The following TUT4 variants were observed in gnomAD, a reference collection of about 807,000 sequenced individuals.
TUT4 encodes terminal uridylyl transferase 4.
Under a neutral mutation model 192.2 loss-of-function variants are expected in TUT4, and 36 were observed. The observed-to-expected ratio is 0.19, with a 90% CI of 0.14 to 0.25. The LOEUF is 0.25. TUT4 is among the 10% of genes least tolerant of loss of function. The pLI is 1.00. For synonymous variants in TUT4, 618 were observed against 666.0 expected (o/e 0.93, Z 1.11); for missense variants, 1,493 against 1,957.2 (o/e 0.76, Z 4.47).
chr1:52,543,638 T>C (rs1438731949), intron 1 of TUT4, among the ~76,000 whole-genome samples: 1 of 151,776 alleles, frequency 6.6e-6, no homozygotes, highest in Non-Finnish European at 1.5e-5. Flanking sequence ...TACCTGCCAC[T>C]GGGCCCAGGT....
chr1:52,472,954 C>T (rs1457996993), intron 13 of TUT4, among the ~76,000 whole-genome samples: 1 of 152,078 alleles, frequency 6.6e-6, no homozygotes, highest in Non-Finnish European at 1.5e-5. Context: ...AAGAATGATG[C>T]ACTGTGGGCT....
chr1:52,552,492 T>C (rs528092599), intron 1 of TUT4, among the ~76,000 whole-genome samples: 1 of 152,326 alleles, frequency 6.6e-6, no homozygotes, highest in Admixed American at 6.5e-5. Flanking sequence ...TTTATATACA[T>C]TATGTAGTCA....
intron 4 of TUT4, among the ~76,000 whole-genome samples, chr1:52,498,627 G>A (rs1673110420): frequency 6.6e-6 from 1 of 151,594 alleles, no homozygotes; most frequent in Non-Finnish European, 1.5e-5. Flanking sequence ...CGGCTCACAT[G>A]TGTAATCCCA....
intron 4 of TUT4, among the ~76,000 whole-genome samples, chr1:52,503,526 G>T (rs751822790): frequency 6.6e-6 from 1 of 152,008 alleles, no homozygotes; most frequent in Non-Finnish European, 1.5e-5. Flanking sequence ...TTCTAAAGCA[G>T]AAACTGTTCT....
intron 20 of TUT4, among the ~76,000 whole-genome samples, chr1:52,453,376 C>T (rs538122911): frequency 2.0e-5 from 3 of 151,174 alleles, no homozygotes; most frequent in Non-Finnish European, 4.4e-5. Context: ...GAGCGAAACT[C>T]CGTCTCAAAA....
intron 4 of TUT4, among the ~76,000 whole-genome samples, chr1:52,504,946 G>A (rs944093468): frequency 2.0e-5 from 3 of 152,150 alleles, no homozygotes; most frequent in Admixed American, 6.5e-5. Flanking sequence ...TCCATTGTAT[G>A]AATACTGTAC....
At chr1:52,548,118 A>T (rs1688543971) in intron 1 of TUT4, among the ~76,000 whole-genome samples, 1 of 152,114 alleles carries the variant, frequency 6.6e-6, no homozygotes, top group African/African-American at 2.4e-5. Flanking sequence ...GGAAAAGTCA[A>T]ATTGTGTCTT....
chr1:52,495,447 C>G lies in TUT4; in HGVS notation c.1246G>C (p.Asp416His). The G allele has an allele frequency of 6.2e-7, 1 of 1,606,282 alleles. No homozygotes were observed. The highest frequency in any genetic ancestry group is 8.5e-7 in the Non-Finnish European group (1 of 1,175,344). ...FALKSSDVNI[D>H]IKFPPKMNHP... Reference sequence around the variant, plus strand: ...CTTACCTTGGGAGGAAATTTTATATCTATATTAACATCACTACTTTTCAGA... The same window carrying G: ...CTTACCTTGGGAGGAAATTTTATATGTATATTAACATCACTACTTTTCAGA... The change falls in exon 6 of 30, where the codon GAT becomes CAT. Residue 416 changes from aspartate (D) to histidine (H), a missense_variant. This residue lies in a region of TUT4 where 437 missense variants were observed against 577.6 expected (regional missense o/e 0.76). Coordinates refer to ENST00000257177, the MANE Select transcript of TUT4 (RefSeq NM_001009881.3).
At chr1:52,485,521 ATTCT>A (rs1346925845) in intron 9 of TUT4, among the ~76,000 whole-genome samples, 1 of 152,186 alleles carries the variant, frequency 6.6e-6, no homozygotes, top group Non-Finnish European at 1.5e-5. Flanking sequence ...TCTCTGCAAT[ATTCT>A]TTATCTTAAC....
chr1:52,494,520 C>T (rs1399073452), intron 6 of TUT4, among the ~76,000 whole-genome samples: 1 of 152,000 alleles, frequency 6.6e-6, no homozygotes, highest in Non-Finnish European at 1.5e-5. Flanking sequence ...GGTGAAACCC[C>T]GTTTCTACTA....
chr1:52,437,142 G>C (rs1391936326), intron 25 of TUT4, 164 bp from the exon 26 acceptor site: 4 of 904,428 alleles, frequency 4.4e-6, no homozygotes, highest in Non-Finnish European at 4.6e-6. Context: ...CATTTGGCAG[G>C]AACTCGGTTT....
intron 1 of TUT4, among the ~76,000 whole-genome samples, chr1:52,546,034 G>C (rs376167841): frequency 6.6e-6 from 1 of 150,834 alleles, no homozygotes; most frequent in African/African-American, 2.4e-5. Context: ...ACCTACTCAA[G>C]AGGCTGAGGT....
chr1:52,547,568 T>C (rs2149756665), intron 1 of TUT4, among the ~76,000 whole-genome samples: 1 of 152,226 alleles, frequency 6.6e-6, no homozygotes, highest in Admixed American at 6.5e-5. Context: ...CACAAAAACG[T>C]TTAACTATGT....
chr1:52,527,703 A>C (rs1682192617), intron 1 of TUT4, among the ~76,000 whole-genome samples: 1 of 152,200 alleles, frequency 6.6e-6, no homozygotes, highest in African/African-American at 2.4e-5. Context: ...CCCTAAAGTA[A>C]ACTATAGACA....
chr1:52,446,148 G>C, intron 22 of TUT4, 117 bp downstream of exon 22: 1 of 1,336,832 alleles, frequency 7.5e-7, no homozygotes, highest in Non-Finnish European at 1.0e-6. Context: ...ACACATTAAA[G>C]GAGGAAAACT....
chr1:52,485,651 A>G (rs17107246), intron 9 of TUT4, among the ~76,000 whole-genome samples: 25,517 of 151,956 alleles, frequency 0.17, 4,536 homozygotes, highest in African/African-American at 0.45. Flanking sequence ...TCTGTTAGGG[A>G]GAACATGCCC....
chr1:52,532,443 C>T (rs2149531270), intron 1 of TUT4, among the ~76,000 whole-genome samples: 1 of 151,864 alleles, frequency 6.6e-6, no homozygotes, highest in East Asian at 1.9e-4. Context: ...CCTCCCACCT[C>T]AGCCTCACAG....
chr1:52,449,671 C>A (rs993200833), intron 20 of TUT4, among the ~76,000 whole-genome samples: 1 of 152,146 alleles, frequency 6.6e-6, no homozygotes, highest in Non-Finnish European at 1.5e-5. Context: ...TACAGTCCTG[C>A]GGCCTAAGTA....
At chr1:52,483,579 G>A (rs1169431232) in intron 9 of TUT4, among the ~76,000 whole-genome samples, 1 of 152,146 alleles carries the variant, frequency 6.6e-6, no homozygotes, top group Non-Finnish European at 1.5e-5. Flanking sequence ...GGGAGGCAGA[G>A]TGGGTGGATG....
Sources: allele counts gnomAD v4.1 joint callset (sites outside exome capture counted in the v4.1 genomes callset), GRCh38; gene constraint gnomAD v4.1.1; regional missense constraint gnomAD v4.1.1; transcripts MANE v1.5; gene names NCBI Gene and HGNC (gene_info 2026-07-23, HGNC 2026-07-21).